Variants in INPP4B observed in about 807,000 individuals in gnomAD.
INPP4B encodes inositol polyphosphate 4-phosphatase type II.
INPP4B carries 55 observed loss-of-function variants against 122.5 expected under a neutral mutation model. The ratio of observed to expected loss-of-function variants is 0.45; its 90% confidence interval spans 0.36 to 0.56. The LOEUF (loss-of-function observed/expected upper bound fraction) is 0.56, where lower values mean the gene tolerates loss of function less well. INPP4B is among the 20% of genes least tolerant of loss of function. The pLI is 0.00. For synonymous variants in INPP4B, 403 were observed against 388.7 expected, an observed-to-expected ratio of 1.04 and a Z score of -0.43; for missense variants, 1,000 against 1,097.7, an observed-to-expected ratio of 0.91 and a Z score of 1.26.
At chr4:142,252,693 A>G (rs1275887607) in intron 11 of INPP4B, among the ~76,000 whole-genome samples, 2 of 152,228 alleles carry the variant, frequency 1.3e-5, no homozygotes, top group Non-Finnish European at 2.9e-5. Context: ...TACATACCCA[A>G]GAATGTACAA....
chr4:142,639,907 C>T (rs927403710), intron 2 of INPP4B, among the ~76,000 whole-genome samples: 1 of 152,288 alleles, frequency 6.6e-6, no homozygotes, highest in Non-Finnish European at 1.5e-5. Flanking sequence ...ATCTCATCTA[C>T]TTTAGTTGAA....
chr4:142,477,747 T>A (rs771712869), intron 2 of INPP4B, among the ~76,000 whole-genome samples: 3 of 152,166 alleles, frequency 2.0e-5, no homozygotes, highest in Non-Finnish European at 4.4e-5. Flanking sequence ...AATCTCTTAA[T>A]AGACCAATAA....
intron 12 of INPP4B, among the ~76,000 whole-genome samples, chr4:142,214,693 C>G (rs1846307572): frequency 6.6e-6 from 1 of 152,136 alleles, no homozygotes; most frequent in South Asian, 2.1e-4. Flanking sequence ...GCTGGGACTA[C>G]AGGCGCCTGC....
At chr4:142,651,814 T>C (rs1157783331) in intron 2 of INPP4B, among the ~76,000 whole-genome samples, 1 of 152,224 alleles carries the variant, frequency 6.6e-6, no homozygotes, top group Non-Finnish European at 1.5e-5. Flanking sequence ...CTGGTACCAT[T>C]CCTTCTGTAA....
rs555407759 is a variant in INPP4B, at chr4:142,139,887, A to T, written c.1720+5953T>A. On this transcript the variant is annotated intron_variant, in intron 18 of 25. Coordinates refer to ENST00000262992, the MANE Select transcript of INPP4B (RefSeq NM_001101669.3). Reference sequence around the variant, plus strand: ...CAGATGGGCTCTCACCATGCTGCCCAGGTTGGTCTCAAACTCTTGGCTTCC... The same window carrying T: ...CAGATGGGCTCTCACCATGCTGCCCTGGTTGGTCTCAAACTCTTGGCTTCC... Among the ~76,000 whole-genome samples the T allele has an allele frequency of 5.3e-5, 8 of 152,322 alleles. No individual in the cohort carries two copies. The South Asian group carries it at 1.7e-3, about 32-fold the overall frequency.
intron 25 of INPP4B, among the ~76,000 whole-genome samples, chr4:142,033,839 G>A (rs532548808): frequency 3.5e-5 from 1 of 28,790 alleles, no homozygotes; most frequent in African/African-American, 5.7e-5. Context: ...TAATTTTTGT[G>A]TTTTTTTAAT....
At chr4:142,632,098 C>T (rs1298752963) in intron 2 of INPP4B, among the ~76,000 whole-genome samples, 1 of 152,066 alleles carries the variant, frequency 6.6e-6, no homozygotes, top group African/African-American at 2.4e-5. Flanking sequence ...TGTGTGACAA[C>T]AACAAGGTTT....
chr4:142,075,439 C>T (rs575355845), intron 25 of INPP4B, among the ~76,000 whole-genome samples: 1 of 152,064 alleles, frequency 6.6e-6, no homozygotes, highest in South Asian at 2.1e-4. Context: ...TTTCTAGATT[C>T]CCCGATGCTA....
At chr4:142,810,641 G>C (rs905475061) in intron 1 of INPP4B, among the ~76,000 whole-genome samples, 1 of 152,056 alleles carries the variant, frequency 6.6e-6, no homozygotes, top group Non-Finnish European at 1.5e-5. Flanking sequence ...AAATTTCTAT[G>C]GCACAAAAAG....
chr4:142,643,613 A>C (rs868786355), intron 2 of INPP4B, among the ~76,000 whole-genome samples: 6 of 152,238 alleles, frequency 3.9e-5, no homozygotes, highest in Middle Eastern at 3.4e-3. Context: ...TTTTTGAAAA[A>C]GATAACTCTG....
In INPP4B at chr4:142,311,060, T is replaced by A. The variant is rs189366726; in HGVS notation, c.423+3652A>T. Among the ~76,000 whole-genome samples the A allele has an allele frequency of 9.6e-3, 1,457 of 152,188 alleles. 10 individuals carry two copies. The highest frequency in any genetic ancestry group is 0.015 in the Non-Finnish European group (1,039 of 68,010). ...AAAATCTAAACTCCTTTAAAAAAAA[T>A]TAGAGTACTTGAAGAGTAAAGCCCT... On this transcript the variant is annotated intron_variant, in intron 8 of 25. Coordinates refer to ENST00000262992, the MANE Select transcript of INPP4B (RefSeq NM_001101669.3).
At chr4:142,290,601 T>C (rs1756031301) in intron 9 of INPP4B, among the ~76,000 whole-genome samples, 1 of 152,194 alleles carries the variant, frequency 6.6e-6, no homozygotes, top group South Asian at 2.1e-4. Context: ...TGAAACTCCT[T>C]GTTTAGGGCC....
chr4:142,605,965 T>C (rs1741157874), intron 2 of INPP4B, among the ~76,000 whole-genome samples: 1 of 152,034 alleles, frequency 6.6e-6, no homozygotes, highest in Admixed American at 6.6e-5. Flanking sequence ...GCAGTACTAT[T>C]CAGAATAGCA....
At chr4:142,056,960 T>C (rs1014929100) in intron 25 of INPP4B, among the ~76,000 whole-genome samples, 1 of 152,138 alleles carries the variant, frequency 6.6e-6, no homozygotes, top group Non-Finnish European at 1.5e-5. Context: ...TTGGGAACTC[T>C]GAAGGCTCTG....
At chr4:142,145,225 C>T (rs1321333520) in intron 18 of INPP4B, among the ~76,000 whole-genome samples, 2 of 152,126 alleles carry the variant, frequency 1.3e-5, no homozygotes, top group African/African-American at 4.8e-5. Flanking sequence ...GCCTTCCTAT[C>T]TGCCTACCTA....
At chr4:142,174,367 C>G (rs1827016925) in intron 15 of INPP4B, among the ~76,000 whole-genome samples, 2 of 152,046 alleles carry the variant, frequency 1.3e-5, no homozygotes, top group Admixed American at 1.3e-4. Context: ...ACAGAAATAG[C>G]ATTCAATACC....
intron 18 of INPP4B, among the ~76,000 whole-genome samples, chr4:142,129,281 C>T (rs914533368): frequency 4.6e-5 from 7 of 152,036 alleles, no homozygotes; most frequent in African/African-American, 1.4e-4. Context: ...GAAATGGTGA[C>T]CGGTTCATGG....
chr4:142,382,709 T>C (rs1794665583), intron 7 of INPP4B, among the ~76,000 whole-genome samples: 2 of 145,386 alleles, frequency 1.4e-5, no homozygotes, highest in Non-Finnish European at 1.5e-5. Context: ...GATTTACAAA[T>C]ACATTTACCT....
intron 1 of INPP4B, among the ~76,000 whole-genome samples, chr4:142,731,904 A>G (rs1016087614): frequency 2.0e-5 from 3 of 152,212 alleles, no homozygotes. Flanking sequence ...CCTGGTATCC[A>G]GGAGCAATAG....
Sources: allele counts gnomAD v4.1 joint callset (sites outside exome capture counted in the v4.1 genomes callset), GRCh38; gene constraint gnomAD v4.1.1; transcripts MANE v1.5; gene names NCBI Gene and HGNC (gene_info 2026-07-23, HGNC 2026-07-21).